UPF2: variants seen among roughly 807,000 people sequenced by gnomAD.
UPF2 encodes regulator of nonsense transcripts 2.
UPF2 carries 17 observed loss-of-function variants against 141.4 expected under a neutral mutation model. That is an observed-to-expected ratio of 0.12 (90% confidence interval 0.08 to 0.18). The LOEUF (loss-of-function observed/expected upper bound fraction) is 0.18, where lower values mean the gene tolerates loss of function less well. Among genes scored for constraint, UPF2 ranks in the 10% least tolerant of loss-of-function variants. The probability of loss-of-function intolerance (pLI) is 1.00; values close to 1 mark genes in which losing one functional copy is unlikely to be tolerated. For synonymous variants in UPF2, 540 were observed against 498.0 expected, an observed-to-expected ratio of 1.08 and a Z score of -1.12; for missense variants, 1,152 against 1,515.9, an observed-to-expected ratio of 0.76 and a Z score of 3.99.
intron 4 of UPF2, among the ~76,000 whole-genome samples, chr10:12,006,413 G>C (rs1009614023): frequency 1.3e-5 from 2 of 152,026 alleles, no homozygotes; most frequent in Non-Finnish European, 2.9e-5. Flanking sequence ...CTCTCCAAAT[G>C]AGAATTATAA....
chr10:11,978,612 T>C (rs1833544189), intron 9 of UPF2, among the ~76,000 whole-genome samples: 1 of 152,198 alleles, frequency 6.6e-6, no homozygotes, highest in Non-Finnish European at 1.5e-5. Flanking sequence ...AAACACAGGC[T>C]ATGGCAGCAC....
At chr10:11,960,908 G>A (rs933309756) in intron 11 of UPF2, among the ~76,000 whole-genome samples, 3 of 151,924 alleles carry the variant, frequency 2.0e-5, no homozygotes, top group African/African-American at 2.4e-5. Context: ...TCCTAGCAAC[G>A]TAGTGAGACC....
intron 2 of UPF2, 96 bp from the exon 3 acceptor site, chr10:12,029,620 C>G: frequency 7.7e-7 from 1 of 1,305,310 alleles, no homozygotes; most frequent in Non-Finnish European, 1.0e-6. Context: ...AAAAAATTAT[C>G]TAAGTATAAC....
chr10:11,936,479 A>G lies in UPF2; in HGVS notation c.3546+66T>C. 1.4e-6 allele frequency: 2 copies of G among 1,480,544 alleles called. No individual in the cohort carries two copies. Among genetic ancestry groups the G allele is most frequent in the Non-Finnish European group, 1.8e-6 (2 of 1,107,752 alleles). 91.7% of individuals were successfully genotyped at this position (1,480,544 alleles called of 1,614,324 possible). On this transcript the variant is annotated intron_variant, in intron 19 of 21. Transcript: ENST00000357604. The surrounding 1 kb of genome is among the most constrained non-coding windows in gnomAD (Gnocchi z 6.6). ...CAACCCTTATCCCCTTGTAGGTCAA[A>G]GATAAGTTAAAACCTAACTGTATAA...
intron 8 of UPF2, among the ~76,000 whole-genome samples, chr10:11,996,158 C>A (rs1833861096): frequency 6.6e-6 from 1 of 152,086 alleles, no homozygotes; most frequent in Non-Finnish European, 1.5e-5. Flanking sequence ...ACACAGCAGA[C>A]CCGTAACGAA....
In UPF2 at chr10:11,977,326, G is replaced by A. The variant is rs540767639; in HGVS notation, c.1953+1731C>T. ...GTTGGCAAAGTCTATAGATCCTGGA[G>A]GAAGTAGAAGGTGATCAAGTTTGTA... On this transcript the variant is annotated intron_variant, in intron 9 of 21. Transcript: ENST00000357604. Among the ~76,000 whole-genome samples, 3 of 152,284 alleles carry A rather than the reference G, an allele frequency of 2.0e-5. No homozygotes were observed. In the South Asian group the frequency reaches 6.2e-4, roughly 32 times the overall value.
chr10:12,015,840 A>G (rs1834209484), intron 3 of UPF2, among the ~76,000 whole-genome samples: 1 of 152,206 alleles, frequency 6.6e-6, no homozygotes, highest in African/African-American at 2.4e-5. Flanking sequence ...AATCTGGTCT[A>G]TTAGGGTCTA....
intron 1 of UPF2, among the ~76,000 whole-genome samples, chr10:12,039,385 G>A (rs538350547): frequency 6.6e-6 from 1 of 152,288 alleles, no homozygotes; most frequent in African/African-American, 2.4e-5. Context: ...CTTCATAATG[G>A]TTAAGGAGTT....
rs967700945 is a variant in UPF2 at position 12,042,378 on chromosome 10, C to T, written c.-19+377G>A. On this transcript the variant is annotated intron_variant, in intron 1 of 21. Transcript: ENST00000357604. The surrounding 1 kb of genome is among the most constrained non-coding windows in gnomAD (Gnocchi z 5.5). ...TCCCCACTTTCTCGCCCTCGCTTCC[C>T]TCCCGGCTCTCGAGGAGCTTCCCCC... 6.6e-6 allele frequency among the ~76,000 whole-genome samples: 1 copy of T among 152,188 alleles called. No individual in the cohort carries two copies. The highest frequency in any genetic ancestry group is 1.5e-5 in the Non-Finnish European group (1 of 68,028).
intron 7 of UPF2, 92 bp downstream of exon 7, chr10:11,999,814 G>A (rs1588561423): frequency 3.8e-6 from 4 of 1,042,880 alleles, no homozygotes; most frequent in Non-Finnish European, 5.9e-6. Flanking sequence ...GGACTTTGTA[G>A]CTCAAACAGT....
intron 10 of UPF2, among the ~76,000 whole-genome samples, chr10:11,966,703 C>T (rs761594606): frequency 1.1e-4 from 17 of 152,226 alleles, no homozygotes; most frequent in East Asian, 1.9e-4. Context: ...GGATTAAAGG[C>T]GTGAGCCACC....
At chr10:12,042,871 C>CCCCTCCT (rs1383019167), upstream of UPF2, 5 of 152,116 alleles carry the variant, frequency 3.3e-5, no homozygotes, top group Non-Finnish European at 7.3e-5. This position sits in a 1 kb window ranked among gnomAD's most constrained non-coding sequence, Gnocchi z 5.5. Context: ...CCCTCAGCTC[C>CCCCTCCT]CCCTCCTCCC....
intron 16 of UPF2, among the ~76,000 whole-genome samples, chr10:11,943,777 C>G (rs968281168): frequency 6.6e-6 from 1 of 152,100 alleles, no homozygotes; most frequent in Non-Finnish European, 1.5e-5. Flanking sequence ...CCTGGCCTTT[C>G]AGCTCCCCTA....
At position 12,016,971 on chromosome 10, in the gene UPF2, G is replaced by A. The variant is rs534103424; in HGVS notation, c.1146-2787C>T. Among the ~76,000 whole-genome samples, 25 of 149,682 alleles carry A rather than the reference G, an allele frequency of 1.7e-4. 1 individual carries two copies. Among genetic ancestry groups the A allele is most frequent in the East Asian group, 7.9e-4 (4 of 5,080 alleles). ...GAAGGCAGAGGTTGCAGTGAGCTGAGATTGCACCATTGCACTCCAGCCTGA... is the reference window on the plus strand; with the variant it reads ...GAAGGCAGAGGTTGCAGTGAGCTGAAATTGCACCATTGCACTCCAGCCTGA... On this transcript the variant is annotated intron_variant, in intron 3 of 21. Coordinates refer to ENST00000357604, the MANE Select transcript of UPF2 (RefSeq NM_015542.4). The surrounding 1 kb of genome is among the most constrained non-coding windows in gnomAD (Gnocchi z 4.1).
chr10:12,036,722 G>A (rs1212199932), intron 1 of UPF2, among the ~76,000 whole-genome samples: 4 of 152,192 alleles, frequency 2.6e-5, no homozygotes, highest in Non-Finnish European at 4.4e-5. Context: ...TCTAAGAGTT[G>A]TATATAAGAA....
intron 2 of UPF2, among the ~76,000 whole-genome samples, chr10:12,029,958 A>AAAC (rs1834487670): frequency 3.6e-5 from 5 of 140,492 alleles, no homozygotes; most frequent in Admixed American, 3.5e-4. Context: ...ACTCCGTCTC[A>AAAC]AAAAAAAAAA....
chr10:11,961,478 G>A (rs149039452), intron 11 of UPF2, among the ~76,000 whole-genome samples: 33 of 152,074 alleles, frequency 2.2e-4, no homozygotes, highest in African/African-American at 8.0e-4. Flanking sequence ...GAAGGCCAGT[G>A]TGTTCCTAGT....
intron 8 of UPF2, among the ~76,000 whole-genome samples, chr10:11,996,452 G>T (rs1273587147): frequency 1.3e-4 from 19 of 151,712 alleles, no homozygotes; most frequent in Admixed American, 1.2e-3. Context: ...GGTTCAACCG[G>T]TTCTCCTGCC....
chr10:11,967,315 A>G (rs755119547), intron 10 of UPF2, 26 bp downstream of exon 10: 12 of 1,318,314 alleles, frequency 9.1e-6, no homozygotes, highest in Non-Finnish European at 1.1e-5. Context: ...TTTCAATTAA[A>G]AACAATCAAC....
Sources: gnomAD v4.1 joint callset for allele counts (sites outside exome capture counted in the v4.1 genomes callset) on GRCh38, gnomAD v4.1.1 for gene constraint, Gnocchi (gnomAD v3.1) non-coding constraint, MANE v1.5 for transcripts, NCBI Gene and HGNC (gene_info 2026-07-23, HGNC 2026-07-21) for gene names.